The following KIAA1958 variants were observed in gnomAD, a reference collection of about 807,000 sequenced individuals.
KIAA1958 encodes the protein KIAA1958, also known as uncharacterized protein KIAA1958.
In KIAA1958, 14 loss-of-function variants were observed where a neutral mutation model predicts 47.2. The ratio of observed to expected loss-of-function variants is 0.30; its 90% CI spans 0.20 to 0.46. The LOEUF is 0.46. Ranked by LOEUF, KIAA1958 falls within the 20% of genes least tolerant of loss-of-function variation. KIAA1958 has a pLI of 1.00. For missense variants in KIAA1958, 803 were observed against 909.2 expected (o/e 0.88, Z 1.50); for synonymous variants, 354 against 353.3 (o/e 1.00, Z -0.02).
chr9:112,562,189 G>A lies in KIAA1958; in HGVS notation c.-24-11868G>A, dbSNP rs1350553187. ...ACATGGTAGACCACCAAAATGGGGG[G>A]AAAGCCCCTAATTTCAGGTGAGCAA... On this transcript the variant is annotated intron_variant, in intron 1 of 3. Coordinates refer to ENST00000337530, the MANE Select transcript of KIAA1958 (RefSeq NM_133465.4). 2.6e-5 allele frequency among the ~76,000 whole-genome samples: 4 copies of A among 152,148 alleles called. No individual in the cohort carries two copies. The East Asian group carries it at 7.7e-4, about 29-fold the overall frequency.
In KIAA1958 at chr9:112,545,825, G is replaced by GTGTTTTTTTTTTTTT. The variant is rs60211721; in HGVS notation, c.-24-28231_-24-28230insGTTTTTTTTTTTTTT. Among the ~76,000 whole-genome samples, 152 of 92,668 alleles carry GTGTTTTTTTTTTTTT rather than the reference G, an allele frequency of 1.6e-3. 14 individuals carry two copies. Among genetic ancestry groups the GTGTTTTTTTTTTTTT allele is most frequent in the Non-Finnish European group, 1.9e-3 (91 of 47,680 alleles). 60.8% of individuals were successfully genotyped at this position (92,668 alleles called of 152,430 possible). A position where few individuals can be genotyped will look rare whatever the true frequency, so the allele number is the denominator to read the frequency against. On this transcript the variant is annotated intron_variant, in intron 1 of 3. Coordinates refer to ENST00000337530, the MANE Select transcript of KIAA1958 (RefSeq NM_133465.4). ...TCTTTAGTGATACACAGGTTTCTTT[G>GTGTTTTTTTTTTTTT]TTTTTTTTTTTTTTTTTTTTTAGTG...
chr9:112,527,025 C>T (rs1285899373), intron 1 of KIAA1958, among the ~76,000 whole-genome samples: 1 of 152,214 alleles, frequency 6.6e-6, no homozygotes, highest in Non-Finnish European at 1.5e-5. Context: ...TCTTAACTTT[C>T]GAGTAGATAA....
chr9:112,554,377 A>G (rs1835206372), intron 1 of KIAA1958, among the ~76,000 whole-genome samples: 1 of 152,100 alleles, frequency 6.6e-6, no homozygotes, highest in South Asian at 2.1e-4. Flanking sequence ...GTGCGCCTGT[A>G]ATCCCAGCTA....
intron 1 of KIAA1958, among the ~76,000 whole-genome samples, chr9:112,528,768 C>G (rs1177892286): frequency 6.6e-6 from 1 of 152,206 alleles, no homozygotes; most frequent in African/African-American, 2.4e-5. Flanking sequence ...ATCCGCCCAC[C>G]TCAGCCTCCT....
intron 2 of KIAA1958, among the ~76,000 whole-genome samples, chr9:112,617,192 G>T (rs965263095): frequency 6.6e-6 from 1 of 152,192 alleles, no homozygotes; most frequent in Non-Finnish European, 1.5e-5. Flanking sequence ...TAATTCAAAT[G>T]TAACTGTCCT....
At chr9:112,563,068 T>TCC in intron 1 of KIAA1958, among the ~76,000 whole-genome samples, 1 of 56,380 alleles carries the variant, frequency 1.8e-5, no homozygotes, top group Non-Finnish European at 3.5e-5. Flanking sequence ...TGTCTCTGTC[T>TCC]CTCTCTCTCT....
At position 112,652,233 on chromosome 9, in the gene KIAA1958, G is replaced by C. The variant is rs563173574; in HGVS notation, c.1344+6411G>C. Among the ~76,000 whole-genome samples, 3 of 152,154 alleles carry C rather than the reference G, an allele frequency of 2.0e-5. No homozygotes were observed. In the East Asian group the frequency reaches 5.8e-4, roughly 29 times the overall value. ...ATGACCAGTCTTTGACTTCTCTTTG[G>C]TCATTTTTACATCAAGGAAGCCAAT... On this transcript the variant is annotated intron_variant, in intron 3 of 3. Coordinates refer to ENST00000337530, the MANE Select transcript of KIAA1958 (RefSeq NM_133465.4).
chr9:112,598,371 T>C (rs544169394), intron 2 of KIAA1958, among the ~76,000 whole-genome samples: 16 of 152,280 alleles, frequency 1.1e-4, no homozygotes, highest in Non-Finnish European at 2.2e-4. Context: ...ATACTGAAGA[T>C]TGAAGTTTCA....
In KIAA1958 at chr9:112,669,097, G is replaced by C. The variant is rs1315588521; in HGVS notation, c.*9028G>C. On this transcript the variant is annotated 3_prime_UTR_variant, in exon 4 of 4. Coordinates refer to ENST00000337530, the MANE Select transcript of KIAA1958 (RefSeq NM_133465.4). ...GAATGATGTTATTGTACCGTCTCCA[G>C]CTTTTTCCTTCTTCCCCCAGATGGT... is the stretch of plus-strand genomic sequence containing the variant. The C allele has an allele frequency of 6.6e-6, 1 of 152,220 alleles. No homozygotes were observed. The allele number at this position is 152,220 out of a possible 1,614,324, so 9.4% of individuals were successfully genotyped here.
At chr9:112,513,011 T>C (rs1447401066) in intron 1 of KIAA1958, among the ~76,000 whole-genome samples, 92 of 144,002 alleles carry the variant, frequency 6.4e-4, no homozygotes, top group African/African-American at 2.2e-3. Context: ...CTAATTTTTT[T>C]TTTTTTTTTT....
At chr9:112,584,737 G>C (rs1433031312) in intron 2 of KIAA1958, among the ~76,000 whole-genome samples, 1 of 152,172 alleles carries the variant, frequency 6.6e-6, no homozygotes, top group Non-Finnish European at 1.5e-5. Flanking sequence ...CAAAGTGAGA[G>C]GTTATTTCCT....
intron 2 of KIAA1958, among the ~76,000 whole-genome samples, chr9:112,633,418 CTTAAT>C (rs1455536507): frequency 6.6e-6 from 1 of 151,858 alleles, no homozygotes; most frequent in African/African-American, 2.4e-5. Flanking sequence ...TGGTATAACT[CTTAAT>C]TTATTAGGTT....
chr9:112,593,299 C>T (rs918846073), intron 2 of KIAA1958, among the ~76,000 whole-genome samples: 5 of 152,162 alleles, frequency 3.3e-5, no homozygotes, highest in Admixed American at 3.3e-4. Context: ...TCAGTAACCC[C>T]CTTGAATGTG....
chr9:112,567,742 A>G (rs1835449983), intron 1 of KIAA1958, among the ~76,000 whole-genome samples: 1 of 152,028 alleles, frequency 6.6e-6, no homozygotes, highest in African/African-American at 2.4e-5. Flanking sequence ...GTGGATCACG[A>G]GGTCAGGAGA....
intron 3 of KIAA1958, among the ~76,000 whole-genome samples, chr9:112,647,475 CAAAA>C (rs910247876): frequency 6.6e-6 from 1 of 150,408 alleles, no homozygotes; most frequent in South Asian, 2.1e-4. Context: ...AACAAACAAA[CAAAA>C]AAAACAGCGC....
At chr9:112,617,721 G>T in intron 2 of KIAA1958, 1 of 644,020 alleles carries the variant, frequency 1.6e-6, no homozygotes, top group Non-Finnish European at 2.7e-6. Context: ...TAATGTGACA[G>T]GTATGTAAAT....
intron 1 of KIAA1958, among the ~76,000 whole-genome samples, chr9:112,540,862 G>T (rs899944377): frequency 4.0e-5 from 6 of 151,830 alleles, no homozygotes; most frequent in Admixed American, 3.3e-4. Context: ...GCTACAGGTT[G>T]CCACCACACC....
chr9:112,525,924 CTTCTTCTT>C (rs1564159385), intron 1 of KIAA1958, among the ~76,000 whole-genome samples: 6 of 1,628 alleles, frequency 3.7e-3, no homozygotes, highest in Non-Finnish European at 4.3e-3. Context: ...ATTCTTTCTT[CTTCTTCTT>C]CTTCTTCTTC....
chr9:112,560,192 C>CT (rs1564172284), intron 1 of KIAA1958, among the ~76,000 whole-genome samples: 1 of 121,506 alleles, frequency 8.2e-6, no homozygotes, highest in Admixed American at 8.4e-5. Context: ...CTTTTTTTTT[C>CT]TTTTTCTTTT....
Sources: gnomAD v4.1 joint callset for allele counts (sites outside exome capture counted in the v4.1 genomes callset) on GRCh38, gnomAD v4.1.1 for gene constraint, MANE v1.5 for transcripts, NCBI Gene and HGNC (gene_info 2026-07-23, HGNC 2026-07-21) for gene names.